The following ZNF341 variants were observed in gnomAD, a reference collection of about 807,000 sequenced individuals.
ZNF341 encodes the protein zinc finger protein 341.
ZNF341 carries 52 observed loss-of-function variants against 87.7 expected under a neutral mutation model. That is an observed-to-expected ratio of 0.59 (90% CI 0.47 to 0.75). The LOEUF (loss-of-function observed/expected upper bound fraction) is 0.75, where lower values mean the gene tolerates loss of function less well. ZNF341 is among the 30% of genes least tolerant of loss of function. ZNF341 has a pLI of 0.00. For synonymous variants in ZNF341, 459 were observed against 472.7 expected (o/e 0.97, Z 0.38); for missense variants, 977 against 1,145.9 (o/e 0.85, Z 2.13).
intron 3 of ZNF341, among the ~76,000 whole-genome samples, chr20:33,748,564 C>T (rs1244940042): frequency 6.6e-6 from 1 of 151,920 alleles, no homozygotes; most frequent in Non-Finnish European, 1.5e-5. Flanking sequence ...GACAGGGTTT[C>T]ACCATGTTGC....
chr20:33,791,289 A>G lies in ZNF341; in HGVS notation c.2337A>G (p.Thr779=), dbSNP rs142572563. 6 of 1,611,598 alleles carry G rather than the reference A, an allele frequency of 3.7e-6. 1 individual carries two copies. Among genetic ancestry groups the G allele is most frequent in the South Asian group, 3.3e-5 (3 of 91,014 alleles). The part of the protein sequence containing the change: ...DPLGLEELKD[T]GAGLVPEAVP... ...TGGGGCTGGAGGAGCTGAAGGACACAGGGGCTGGGCTGGTGCCCGAGGCTG... is the reference window on the plus strand; with the variant it reads ...TGGGGCTGGAGGAGCTGAAGGACACGGGGGCTGGGCTGGTGCCCGAGGCTG... The change falls in exon 15 of 15, where the codon ACA becomes ACG. Residue 779 remains threonine, a synonymous_variant. Transcript: ENST00000375200.
chr20:33,791,655 GAAACCT>G lies in ZNF341; in HGVS notation c.*139_*144del. On this transcript the variant is annotated 3_prime_UTR_variant, in exon 15 of 15. Transcript: ENST00000375200. The stretch of plus-strand genomic sequence containing the variant: ...CAGAAATCCTGCTGAATGTCATTCA[GAAACCT>G]CAGCCCATGGTCGCCCTCCTGTGCC... 1.9e-6 allele frequency: 2 copies of G among 1,041,490 alleles called. No homozygotes were observed. Among genetic ancestry groups the G allele is most frequent in the Non-Finnish European group, 2.7e-6 (2 of 748,116 alleles). The allele number at this position is 1,041,490 out of a possible 1,614,324, so 64.5% of individuals were successfully genotyped here. A position where few individuals can be genotyped will look rare whatever the true frequency, so the allele number is the denominator to read the frequency against.
At chr20:33,771,108 C>G (rs1466329086) in intron 10 of ZNF341, among the ~76,000 whole-genome samples, 1 of 151,806 alleles carries the variant, frequency 6.6e-6, no homozygotes. Flanking sequence ...GGCGACAGAG[C>G]AACACTCCGT....
rs921550604 is a variant in ZNF341 at position 33,732,263 on chromosome 20, C to A, written c.31+211C>A. 4.7e-5 allele frequency among the ~76,000 whole-genome samples: 7 copies of A among 149,684 alleles called. No homozygotes were observed. The highest frequency in any genetic ancestry group is 1.0e-4 in the Non-Finnish European group (7 of 67,156). On this transcript the variant is annotated intron_variant, in intron 1 of 14. Transcript: ENST00000375200. This position sits in a 1 kb window ranked among gnomAD's most constrained non-coding sequence, Gnocchi z 4.5. ...CCGGGGCCGGAACAGCCGGGGAGAG[C>A]CAGGCCGGCGGGGAGGGGGCTCGGG...
At chr20:33,743,671 A>T (rs2018858070) in intron 2 of ZNF341, among the ~76,000 whole-genome samples, 1 of 152,222 alleles carries the variant, frequency 6.6e-6, no homozygotes, top group African/African-American at 2.4e-5. Context: ...TAAATAAATA[A>T]AAAAGGATAC....
chr20:33,756,050 T>G (rs141425437), intron 5 of ZNF341, among the ~76,000 whole-genome samples: 159 of 152,050 alleles, frequency 1.0e-3, no homozygotes, highest in African/African-American at 3.7e-3. Flanking sequence ...TGGTGAAATC[T>G]TGTCTCTACA....
intron 10 of ZNF341, among the ~76,000 whole-genome samples, chr20:33,771,362 C>T (rs1678773600): frequency 6.6e-6 from 1 of 151,844 alleles, no homozygotes; most frequent in African/African-American, 2.4e-5. Context: ...CCTCCCACCT[C>T]AGCCACCTGA....
intron 5 of ZNF341, 130 bp from the exon 6 acceptor site, chr20:33,757,018 T>G: frequency 4.6e-5 from 33 of 719,662 alleles, no homozygotes; most frequent in Admixed American, 1.9e-4. Flanking sequence ...CCGGGCCAGG[T>G]GGAGGGGCTG....
rs199620866 is a variant in ZNF341 at position 33,753,230 on chromosome 20, C to T, written c.548C>T (p.Pro183Leu). The T allele has an allele frequency of 6.8e-6, 11 of 1,612,028 alleles. No homozygotes were observed. In the East Asian group the frequency reaches 2.5e-4, roughly 36 times the overall value. The part of the protein sequence containing the change: ...SYLTQPPPPP[P>L]PPPPLPPPPP... Reference sequence around the variant, plus strand: ...CTCACCCAGCCTCCACCTCCTCCTCCACCTCCTCCACCACTGCCCCCACCG... The same window carrying T: ...CTCACCCAGCCTCCACCTCCTCCTCTACCTCCTCCACCACTGCCCCCACCG... Residue 183 changes from proline (P) to leucine (L), a missense_variant, in exon 5 of 15, where the codon CCA (proline) becomes CTA (leucine). Around this residue, in one of 3 missense-constraint regions of ZNF341, gnomAD observed 515 missense variants for 598.2 expected, o/e 0.86. Transcript: ENST00000375200.
chr20:33,770,343 G>GGGGGGGGGGCGGGA, intron 10 of ZNF341, 51 bp downstream of exon 10: 1 of 511,254 alleles, frequency 2.0e-6, no homozygotes, highest in Non-Finnish European at 4.0e-6. Context: ...GGTGGGCAGG[G>GGGGGGGGGGCGGGA]AGCCCAGGGC....
chr20:33,773,124 A>G (rs950081097), intron 10 of ZNF341, among the ~76,000 whole-genome samples: 1 of 152,210 alleles, frequency 6.6e-6, no homozygotes, highest in Non-Finnish European at 1.5e-5. Flanking sequence ...CTTTAGTGAC[A>G]TGAATCCCTG....
chr20:33,769,125 T>G (rs968359650), intron 9 of ZNF341, among the ~76,000 whole-genome samples: 15 of 152,248 alleles, frequency 9.9e-5, no homozygotes, highest in African/African-American at 2.4e-4. Flanking sequence ...GTTGGATTAG[T>G]TTTTTACAAA....
intron 12 of ZNF341, among the ~76,000 whole-genome samples, chr20:33,785,152 A>C (rs2019826810): frequency 6.6e-6 from 1 of 152,186 alleles, no homozygotes; most frequent in Admixed American, 6.5e-5. Context: ...GGACAAAAGC[A>C]TATATAAAAA....
At chr20:33,766,213 G>T (rs1302044499) in intron 8 of ZNF341, among the ~76,000 whole-genome samples, 1 of 150,884 alleles carries the variant, frequency 6.6e-6, no homozygotes, top group Admixed American at 6.6e-5. Context: ...ATTATTTTTT[G>T]AGACAGAATC....
At chr20:33,735,073 C>T (rs775543253) in intron 1 of ZNF341, among the ~76,000 whole-genome samples, 2 of 152,054 alleles carry the variant, frequency 1.3e-5, no homozygotes, top group African/African-American at 2.4e-5. Context: ...CTCTGTCACC[C>T]AAGCTGGACT....
intron 8 of ZNF341, among the ~76,000 whole-genome samples, chr20:33,765,926 A>C (rs1281134625): frequency 6.6e-6 from 1 of 152,222 alleles, no homozygotes; most frequent in African/African-American, 2.4e-5. Flanking sequence ...CTTGTTGCCC[A>C]GGCTGGAGTG....
At chr20:33,758,468 G>T (rs17090699) in intron 6 of ZNF341, among the ~76,000 whole-genome samples, 3,178 of 152,274 alleles carry the variant, frequency 0.021, 107 homozygotes, top group African/African-American at 0.072. Flanking sequence ...GGCAAAGAGC[G>T]TGGATTTGAT....
At chr20:33,756,814 G>A (rs764125794) in intron 5 of ZNF341, among the ~76,000 whole-genome samples, 1 of 152,174 alleles carries the variant, frequency 6.6e-6, no homozygotes, top group African/African-American at 2.4e-5. Context: ...CACAGTAACC[G>A]CATGAGAGGG....
chr20:33,746,675 G>A (rs1601240192), intron 3 of ZNF341, among the ~76,000 whole-genome samples: 4 of 152,168 alleles, frequency 2.6e-5, no homozygotes, highest in South Asian at 2.1e-4. Flanking sequence ...CAGGAGACCC[G>A]TTGAGGGACT....
Sources: gnomAD v4.1 joint callset for allele counts (sites outside exome capture counted in the v4.1 genomes callset) on GRCh38, gnomAD v4.1.1 for gene constraint, gnomAD v4.1.1 regional missense constraint, Gnocchi (gnomAD v3.1) non-coding constraint, MANE v1.5 for transcripts, NCBI Gene and HGNC (gene_info 2026-07-23, HGNC 2026-07-21) for gene names.